The following VAPB variants were observed in gnomAD, a reference collection of about 807,000 sequenced individuals.
VAPB encodes vesicle-associated membrane protein-associated protein B/C.
A neutral mutation model predicts 25.6 loss-of-function variants in VAPB; 7 were observed. The observed-to-expected ratio is 0.27, with a 90% confidence interval of 0.16 to 0.51. The LOEUF (loss-of-function observed/expected upper bound fraction) is 0.51, where lower values mean the gene tolerates loss of function less well. VAPB is among the 20% of genes least tolerant of loss of function. The probability of loss-of-function intolerance (pLI) is 0.97; values close to 1 mark genes in which losing one functional copy is unlikely to be tolerated. For synonymous variants in VAPB, 112 were observed against 109.2 expected (o/e 1.03, Z -0.16); for missense variants, 266 against 301.3 (o/e 0.88, Z 0.87).
intron 1 of VAPB, among the ~76,000 whole-genome samples, chr20:58,404,897 C>A (rs773461450): frequency 2.0e-5 from 3 of 152,156 alleles, no homozygotes; most frequent in East Asian, 3.9e-4. Context: ...CCATTCTCTT[C>A]ATGGGTTACT....
intron 2 of VAPB, 97 bp from the exon 3 acceptor site, chr20:58,434,505 C>T (rs1988995461): frequency 1.2e-5 from 9 of 733,216 alleles, no homozygotes; most frequent in East Asian, 2.6e-5. Flanking sequence ...AAGAGAATGC[C>T]GGTAAATTGC....
At position 58,448,624 on chromosome 20, in the gene VAPB, T is replaced by G. The variant is rs1327960344; in HGVS notation, c.*4389T>G. ...AATCTGCTTCAGGGAAGTGAGTGGA[T>G]GAGGCCTTCCTGCCTCAGCTACTCT... On this transcript the variant is annotated 3_prime_UTR_variant, in exon 6 of 6. Transcript: ENST00000475243. The G allele has an allele frequency of 2.2e-6, 1 of 454,152 alleles. No individual in the cohort carries two copies. Among genetic ancestry groups the G allele is most frequent in the Admixed American group, 2.3e-5 (1 of 42,580 alleles). 28.1% of individuals were successfully genotyped at this position (454,152 alleles called of 1,614,324 possible).
chr20:58,414,737 C>T (rs3960938), intron 1 of VAPB, among the ~76,000 whole-genome samples: 534 of 152,030 alleles, frequency 3.5e-3, no homozygotes, highest in Admixed American at 0.027. Context: ...CCTCACCTCC[C>T]AGACTGGGCA....
chr20:58,407,013 A>C (rs902476946), intron 1 of VAPB, among the ~76,000 whole-genome samples: 18 of 152,218 alleles, frequency 1.2e-4, no homozygotes, highest in Admixed American at 1.3e-4. Flanking sequence ...CATTGAAAAA[A>C]TTCAGTTTAT....
In VAPB at chr20:58,444,561, T is replaced by C; in HGVS notation, c.*326T>C. On this transcript the variant is annotated 3_prime_UTR_variant, in exon 6 of 6. Transcript: ENST00000475243. ...ATTGGTAGGCCTTGGTACATGATGC[T>C]GGATTACCTCTCTTAAAATGACACC... 1 of 478,856 alleles carries C rather than the reference T, an allele frequency of 2.1e-6. No homozygotes were observed. Among genetic ancestry groups the C allele is most frequent in the Non-Finnish European group, 4.1e-6 (1 of 243,472 alleles). The allele number at this position is 478,856 out of a possible 1,614,324, so 29.7% of individuals were successfully genotyped here.
Position 58,389,282 on chromosome 20 carries a change from C to G in VAPB, c.-178C>G, listed in dbSNP as rs1332150078. ...GCCTCGCCCTCGCCCTCCGCCCCTG[C>G]GCCTGCACCGCGTAGACCGACCCCC... On this transcript the variant is annotated 5_prime_UTR_variant, in exon 1 of 6. Transcript: ENST00000475243. The G allele has an allele frequency of 1.4e-6, 1 of 716,052 alleles. No homozygotes were observed. Among genetic ancestry groups the G allele is most frequent in the Non-Finnish European group, 2.5e-6 (1 of 406,994 alleles). The allele number at this position is 716,052 out of a possible 1,614,324, so 44.4% of individuals were successfully genotyped here. A position where few individuals can be genotyped will look rare whatever the true frequency, so the allele number is the denominator to read the frequency against.
rs1319884709 is a variant in VAPB, at chr20:58,449,716, C to G, written c.*5481C>G. On this transcript the variant is annotated 3_prime_UTR_variant, in exon 6 of 6. Transcript: ENST00000475243. ...GAAACATTGATCCTGTAACAATGCC[C>G]GATTACAATTGCTTTATTACACCCC... 1 of 453,922 alleles carries G rather than the reference C, an allele frequency of 2.2e-6. No homozygotes were observed. Among genetic ancestry groups the G allele is most frequent in the African/African-American group, 2.0e-5 (1 of 49,958 alleles). 28.1% of individuals were successfully genotyped at this position (453,922 alleles called of 1,614,324 possible).
At chr20:58,395,210 G>T (rs1361196774) in intron 1 of VAPB, among the ~76,000 whole-genome samples, 1 of 145,486 alleles carries the variant, frequency 6.9e-6, no homozygotes, top group Non-Finnish European at 1.5e-5. Flanking sequence ...GGAGTGCAAT[G>T]GCACTATCTC....
chr20:58,446,532 C>A lies in VAPB; in HGVS notation c.*2297C>A, dbSNP rs574923316. ...TTTGGCTTGTGAGTCTGTAACAGTT[C>A]TTAAAAAGAATATCTGAGAAACTAC... is the stretch of plus-strand genomic sequence containing the variant. On this transcript the variant is annotated 3_prime_UTR_variant, in exon 6 of 6. Coordinates refer to ENST00000475243, the MANE Select transcript of VAPB (RefSeq NM_004738.5). 9.5e-5 allele frequency: 43 copies of A among 453,854 alleles called. No homozygotes were observed. Among genetic ancestry groups the A allele is most frequent in the African/African-American group, 7.4e-4 (37 of 50,074 alleles). 28.1% of individuals were successfully genotyped at this position (453,854 alleles called of 1,614,324 possible). A position where few individuals can be genotyped will look rare whatever the true frequency, so the allele number is the denominator to read the frequency against.
intron 1 of VAPB, among the ~76,000 whole-genome samples, chr20:58,414,870 A>G (rs1988498371): frequency 6.6e-6 from 1 of 152,232 alleles, no homozygotes; most frequent in South Asian, 2.1e-4. Context: ...AGGCCAAGGC[A>G]GGCGGCTGGG....
Position 58,412,576 on chromosome 20 carries a change from C to CA in VAPB, c.59-5621dup, listed in dbSNP as rs375713162. On this transcript the variant is annotated intron_variant, in intron 1 of 5. Transcript: ENST00000475243. ...TGGGTGACAGAGTGAGACTCTGTCT[C>CA]AAAAAAAAAAAAAAGGTAAAATTAT... Among the ~76,000 whole-genome samples, 54 of 90,756 alleles carry CA rather than the reference C, an allele frequency of 6.0e-4. 1 individual carries two copies. Among genetic ancestry groups the CA allele is most frequent in the East Asian group, 1.4e-3 (4 of 2,958 alleles). The allele number at this position is 90,756 out of a possible 152,430, so 59.5% of individuals were successfully genotyped here.
Position 58,451,049 on chromosome 20 carries a change from C to G in VAPB, c.*6814C>G, listed in dbSNP as rs918756557. Reference sequence around the variant, plus strand: ...CCCTGCCAAGGCATAAACTTTTGTACTAGCTGTCTCCATATTATGTTCAAT... The same window carrying G: ...CCCTGCCAAGGCATAAACTTTTGTAGTAGCTGTCTCCATATTATGTTCAAT... On this transcript the variant is annotated 3_prime_UTR_variant, in exon 6 of 6. Transcript: ENST00000475243. 1.6e-5 allele frequency: 7 copies of G among 440,588 alleles called. No homozygotes were observed. Among genetic ancestry groups the G allele is most frequent in the Admixed American group, 1.2e-4 (5 of 40,478 alleles). The allele number at this position is 440,588 out of a possible 1,614,324, so 27.3% of individuals were successfully genotyped here. A position where few individuals can be genotyped will look rare whatever the true frequency, so the allele number is the denominator to read the frequency against.
chr20:58,436,839 CTT>C (rs781340445), intron 3 of VAPB, among the ~76,000 whole-genome samples: 196 of 152,106 alleles, frequency 1.3e-3, no homozygotes, highest in South Asian at 2.7e-3. Flanking sequence ...AGGACAGTCT[CTT>C]ATATAGTCAT....
chr20:58,399,739 T>C (rs1320355557), intron 1 of VAPB, among the ~76,000 whole-genome samples: 1 of 151,382 alleles, frequency 6.6e-6, no homozygotes, highest in African/African-American at 2.4e-5. Context: ...AAAATCCTTC[T>C]ATGAATTCTG....
Position 58,448,967 on chromosome 20 carries a change from T to C in VAPB, c.*4732T>C, listed in dbSNP as rs1347217971. The C allele has an allele frequency of 4.4e-6, 2 of 453,954 alleles. No homozygotes were observed. Among genetic ancestry groups the C allele is most frequent in the Admixed American group, 2.4e-5 (1 of 42,552 alleles). 28.1% of individuals were successfully genotyped at this position (453,954 alleles called of 1,614,324 possible). On this transcript the variant is annotated 3_prime_UTR_variant, in exon 6 of 6. Coordinates refer to ENST00000475243, the MANE Select transcript of VAPB (RefSeq NM_004738.5). ...TGTGAATGAGGGCAGTTGATTAAAA[T>C]TGGTATTACAGAAGGGCCCTGCTGA...
intron 4 of VAPB, chr20:58,439,417 A>T (rs1600816828): frequency 3.8e-6 from 1 of 263,122 alleles, no homozygotes; most frequent in East Asian, 9.2e-5. Flanking sequence ...TTGTTTTACA[A>T]AGTGCCCTGT....
At chr20:58,435,747 A>G (rs1989030464) in intron 3 of VAPB, among the ~76,000 whole-genome samples, 1 of 152,240 alleles carries the variant, frequency 6.6e-6, no homozygotes, top group Non-Finnish European at 1.5e-5. Context: ...GAGATCAGTG[A>G]TAATAGGCTG....
At chr20:58,428,246 C>T (rs1988850202) in intron 2 of VAPB, among the ~76,000 whole-genome samples, 1 of 152,252 alleles carries the variant, frequency 6.6e-6, no homozygotes, top group Non-Finnish European at 1.5e-5. Context: ...ATCTGTAATA[C>T]AACAGGCATT....
chr20:58,407,805 C>A (rs577876180), intron 1 of VAPB, among the ~76,000 whole-genome samples: 4 of 152,104 alleles, frequency 2.6e-5, no homozygotes, highest in African/African-American at 9.6e-5. Flanking sequence ...CTAGTTCATT[C>A]TTTTAAAGAG....
Sources: allele counts gnomAD v4.1 joint callset (sites outside exome capture counted in the v4.1 genomes callset), GRCh38; gene constraint gnomAD v4.1.1; transcripts MANE v1.5; gene names NCBI Gene and HGNC (gene_info 2026-07-23, HGNC 2026-07-21).